LRBA: variants seen among roughly 807,000 people sequenced by gnomAD.
LRBA encodes the protein lipopolysaccharide-responsive and beige-like anchor protein.
In LRBA, 176 loss-of-function variants were observed where a neutral mutation model predicts 330.0. That is an observed-to-expected ratio of 0.53 (90% confidence interval 0.47 to 0.60). The LOEUF (loss-of-function observed/expected upper bound fraction) is 0.60, where lower values mean the gene tolerates loss of function less well. Among genes scored for constraint, LRBA ranks in the 20% least tolerant of loss-of-function variants. The pLI is 0.00. For synonymous variants in LRBA, 1,230 were observed against 1,193.0 expected, an observed-to-expected ratio of 1.03 and a Z score of -0.64; for missense variants, 3,259 against 3,444.8, an observed-to-expected ratio of 0.95 and a Z score of 1.35.
At chr4:150,489,584 ATATAT>A (rs376873371) in intron 41 of LRBA, among the ~76,000 whole-genome samples, 2,594 of 80,862 alleles carry the variant, frequency 0.032, 144 homozygotes, top group Middle Eastern at 0.095. Flanking sequence ...AGAATATATA[ATATAT>A]TATATAAGAA....
intron 2 of LRBA, chr4:151,013,272 G>A (rs1291852598): frequency 6.6e-6 from 1 of 152,230 alleles, no homozygotes; most frequent in Non-Finnish European, 1.5e-5. Flanking sequence ...CAGGTGGGTA[G>A]GTAGAAAAGG....
intron 2 of LRBA, among the ~76,000 whole-genome samples, chr4:150,957,698 A>G (rs1403039427): frequency 6.7e-6 from 1 of 149,144 alleles, no homozygotes; most frequent in Non-Finnish European, 1.5e-5. Context: ...CTGTAAAATC[A>G]AAAGAAGCTA....
intron 47 of LRBA, among the ~76,000 whole-genome samples, chr4:150,392,506 C>G (rs561110372): frequency 6.6e-6 from 1 of 152,214 alleles, no homozygotes; most frequent in Admixed American, 6.6e-5. Flanking sequence ...TTCTTAAAGG[C>G]CCCATCTCCA....
chr4:150,770,334 A>G (rs546085163), intron 34 of LRBA, among the ~76,000 whole-genome samples: 1 of 152,196 alleles, frequency 6.6e-6, no homozygotes, highest in African/African-American at 2.4e-5. Flanking sequence ...CTGTATCTAT[A>G]TATATCCTAT....
intron 37 of LRBA, among the ~76,000 whole-genome samples, chr4:150,639,692 C>A (rs1778326711): frequency 1.5e-5 from 2 of 132,382 alleles, no homozygotes; most frequent in African/African-American, 5.7e-5. Flanking sequence ...TACTGTATAT[C>A]AGTGAAAGTG....
Position 150,308,437 on chromosome 4 carries a change from T to C in LRBA, c.7849+1792A>G, listed in dbSNP as rs115305268. On this transcript the variant is annotated intron_variant, in intron 52 of 56. Coordinates refer to ENST00000651943, the MANE Select transcript of LRBA (RefSeq NM_001364905.1). ...ACATACAATTATGTATAGTGCATAA[T>C]ACTTGATAATAAATAACTCTGTTAC... Among the ~76,000 whole-genome samples, 1,185 of 152,336 alleles carry C rather than the reference T, an allele frequency of 7.8e-3. 23 individuals carry two copies. The highest frequency in any genetic ancestry group is 0.027 in the African/African-American group (1,122 of 41,566).
chr4:150,999,540 T>C (rs1306619893), intron 2 of LRBA, among the ~76,000 whole-genome samples: 1 of 151,890 alleles, frequency 6.6e-6, no homozygotes, highest in East Asian at 1.9e-4. Flanking sequence ...TGGGATTACA[T>C]GCATGAGCCA....
intron 37 of LRBA, among the ~76,000 whole-genome samples, chr4:150,661,744 G>C (rs1327219960): frequency 6.6e-6 from 1 of 151,790 alleles, no homozygotes; most frequent in Non-Finnish European, 1.5e-5. Context: ...CTGTGTAGCT[G>C]GGATTACAGG....
intron 2 of LRBA, among the ~76,000 whole-genome samples, chr4:151,005,517 T>C (rs965125334): frequency 7.1e-6 from 1 of 141,462 alleles, no homozygotes; most frequent in Non-Finnish European, 1.5e-5. Flanking sequence ...TAGAAAACTA[T>C]ACAGAGTAGA....
intron 17 of LRBA, among the ~76,000 whole-genome samples, chr4:150,892,328 G>A (rs1344434043): frequency 6.6e-6 from 1 of 152,164 alleles, no homozygotes; most frequent in Non-Finnish European, 1.5e-5. Flanking sequence ...CCTATCATTA[G>A]TATTTGGAGA....
In LRBA at chr4:150,928,543, A is replaced by C; in HGVS notation, c.522T>G (p.Ser174Arg). The C allele has an allele frequency of 6.2e-7, 1 of 1,613,758 alleles. No individual in the cohort carries two copies. Among genetic ancestry groups the C allele is most frequent in the Non-Finnish European group, 8.5e-7 (1 of 1,179,786 alleles). The part of the protein sequence containing the change: ...LTVRELKLFF[S>R]KLQGDKGRWP... ...ATCGTCCTTTATCTCCTTGAAGTTT[A>C]CTGAAGAAAAGCTTTAGCTCGCGAA... Residue 174 changes from serine (S) to arginine (R), a missense_variant, in exon 4 of 57, where the codon AGT becomes AGG. Ser to Arg is a moderately radical substitution (Grantham distance 110). Coordinates refer to ENST00000651943, the MANE Select transcript of LRBA (RefSeq NM_001364905.1).
intron 40 of LRBA, among the ~76,000 whole-genome samples, chr4:150,514,457 C>T (rs895111296): frequency 6.6e-6 from 1 of 152,158 alleles, no homozygotes; most frequent in Non-Finnish European, 1.5e-5. Flanking sequence ...TATAGCCCCA[C>T]TCTGGCCCCT....
rs2127132568 is a variant in LRBA, at chr4:150,900,097, A to C, written c.1876T>G (p.Trp626Gly). 1.9e-6 allele frequency: 3 copies of C among 1,613,670 alleles called. No homozygotes were observed. The highest frequency in any genetic ancestry group is 2.5e-6 in the Non-Finnish European group (3 of 1,179,630). The change falls in exon 14 of 57, where the codon TGG (tryptophan) becomes GGG (glycine). Residue 626 changes from tryptophan (W) to glycine (G), a missense_variant. Transcript: ENST00000651943. Reference sequence around the variant, plus strand: ...CTTCGATCCTGAGGATTCACTGCCCAGTAGTAGTACTTCAGCGTGTGCATG... The same window carrying C: ...CTTCGATCCTGAGGATTCACTGCCCCGTAGTAGTACTTCAGCGTGTGCATG... Reference protein sequence around the residue: ...LIMHTLKYYYWAVNPQDRSGI... With the variant: ...LIMHTLKYYYGAVNPQDRSGI...
At chr4:150,768,062 T>TC (rs1736021311) in intron 34 of LRBA, among the ~76,000 whole-genome samples, 1 of 61,298 alleles carries the variant, frequency 1.6e-5, no homozygotes, top group East Asian at 3.8e-4. Context: ...AGACTCTGTC[T>TC]CAAAAAAAAA....
intron 41 of LRBA, 27 bp downstream of exon 41, chr4:150,490,891 T>G (rs776565713): frequency 7.4e-7 from 1 of 1,351,614 alleles, no homozygotes; most frequent in Non-Finnish European, 1.1e-6. Context: ...GTTAGCTCTG[T>G]AACAACGTAT....
intron 2 of LRBA, among the ~76,000 whole-genome samples, chr4:151,007,654 G>T (rs927079657): frequency 2.0e-5 from 3 of 151,684 alleles, no homozygotes; most frequent in African/African-American, 7.3e-5. Context: ...TCAGGAGATC[G>T]AGACCATCCT....
chr4:150,969,012 C>A (rs543745471), intron 2 of LRBA, among the ~76,000 whole-genome samples: 8 of 152,292 alleles, frequency 5.3e-5, no homozygotes, highest in Middle Eastern at 3.4e-3. Context: ...TGGATGACTG[C>A]ATATCTGTTC....
intron 44 of LRBA, among the ~76,000 whole-genome samples, chr4:150,453,759 G>A (rs777682241): frequency 3.9e-5 from 6 of 151,994 alleles, no homozygotes; most frequent in Admixed American, 3.3e-4. Context: ...GAGCTCACAG[G>A]TTGGGAACAA....
chr4:150,381,482 T>C (rs1742254910), intron 47 of LRBA, among the ~76,000 whole-genome samples: 1 of 152,244 alleles, frequency 6.6e-6, no homozygotes, highest in Non-Finnish European at 1.5e-5. Context: ...ATTATTTAAC[T>C]TAGCATCATG....
Sources: allele counts gnomAD v4.1 joint callset (sites outside exome capture counted in the v4.1 genomes callset), GRCh38; gene constraint gnomAD v4.1.1; transcripts MANE v1.5; gene names NCBI Gene and HGNC (gene_info 2026-07-23, HGNC 2026-07-21).